Variants in SCFD2 observed in about 807,000 individuals in gnomAD.
SCFD2 encodes sec1 family domain-containing protein 2.
In SCFD2, 54 loss-of-function variants were observed where a neutral mutation model predicts 58.9. The ratio of observed to expected loss-of-function variants is 0.92; its 90% CI spans 0.74 to 1.15. SCFD2 has a LOEUF of 1.15. Ranked by LOEUF, SCFD2 falls within the 50% of genes most tolerant of loss-of-function variation. The pLI is 0.00. For missense variants in SCFD2, 805 were observed against 836.6 expected, an observed-to-expected ratio of 0.96 and a Z score of 0.47; for synonymous variants, 321 against 335.9, an observed-to-expected ratio of 0.96 and a Z score of 0.49.
chr4:53,021,544 G>C (rs1302526942), intron 5 of SCFD2, among the ~76,000 whole-genome samples: 2 of 152,102 alleles, frequency 1.3e-5, no homozygotes, highest in Non-Finnish European at 2.9e-5. Flanking sequence ...TTACTGTCTA[G>C]TGGGAGAGAG....
chr4:52,963,526 T>G (rs1720898236), intron 5 of SCFD2, among the ~76,000 whole-genome samples: 1 of 152,362 alleles, frequency 6.6e-6, no homozygotes, highest in East Asian at 1.9e-4. Flanking sequence ...ATGTTTTGTT[T>G]TTAAATCTAA....
At chr4:52,981,892 C>A (rs901251151) in intron 5 of SCFD2, among the ~76,000 whole-genome samples, 8 of 152,098 alleles carry the variant, frequency 5.3e-5, no homozygotes, top group Non-Finnish European at 1.0e-4. Context: ...GGAGAAAGAC[C>A]AGCTGGAGGT....
At chr4:53,167,376 C>T (rs17082492) in intron 4 of SCFD2, among the ~76,000 whole-genome samples, 12,002 of 152,226 alleles carry the variant, frequency 0.079, 866 homozygotes, top group African/African-American at 0.18. Context: ...GTCCAAAGCA[C>T]GTGACTCATT....
At chr4:53,132,411 C>T (rs1443507740) in intron 5 of SCFD2, among the ~76,000 whole-genome samples, 3 of 152,174 alleles carry the variant, frequency 2.0e-5, no homozygotes, top group African/African-American at 7.2e-5. Context: ...TACCAAACAA[C>T]GTTGCAAACC....
At chr4:53,293,893 C>G (rs187593619) in intron 3 of SCFD2, among the ~76,000 whole-genome samples, 1 of 151,776 alleles carries the variant, frequency 6.6e-6, no homozygotes, top group Non-Finnish European at 1.5e-5. Context: ...CTCCCACCCC[C>G]TGACAGGCCC....
intron 4 of SCFD2, among the ~76,000 whole-genome samples, chr4:53,233,567 G>T (rs766868666): frequency 5.9e-5 from 9 of 152,154 alleles, no homozygotes; most frequent in Non-Finnish European, 1.2e-4. Flanking sequence ...CTAAAGCAAG[G>T]CCAGTTAAAA....
intron 4 of SCFD2, among the ~76,000 whole-genome samples, chr4:53,228,770 G>C (rs1181242457): frequency 6.6e-6 from 1 of 152,150 alleles, no homozygotes; most frequent in Non-Finnish European, 1.5e-5. Context: ...GTTCTGGTCA[G>C]GGCAATCAGG....
Position 53,366,030 on chromosome 4 carries a change from G to C in SCFD2, c.-89C>G. On this transcript the variant is annotated 5_prime_UTR_variant, in exon 1 of 9. Transcript: ENST00000401642. The stretch of plus-strand genomic sequence containing the variant: ...CGGAAATTGGGCTCCGGGAGACTTT[G>C]ACAGTCTCCACAGTACACGTGGTCG... 1 of 1,434,494 alleles carries C rather than the reference G, an allele frequency of 7.0e-7. No individual in the cohort carries two copies. Among genetic ancestry groups the C allele is most frequent in the Non-Finnish European group, 9.3e-7 (1 of 1,074,014 alleles). The allele number at this position is 1,434,494 out of a possible 1,614,324, so 88.9% of individuals were successfully genotyped here.
chr4:53,219,988 G>C (rs1729000602), intron 4 of SCFD2, among the ~76,000 whole-genome samples: 1 of 152,054 alleles, frequency 6.6e-6, no homozygotes, highest in Non-Finnish European at 1.5e-5. Flanking sequence ...TGTAAGCATT[G>C]GGTAGTGGAG....
intron 4 of SCFD2, among the ~76,000 whole-genome samples, chr4:53,247,509 A>G (rs899887557): frequency 3.3e-5 from 5 of 152,186 alleles, no homozygotes; most frequent in Non-Finnish European, 7.3e-5. Flanking sequence ...TCAATGAAAG[A>G]CTGGATAAAG....
At chr4:53,034,292 C>T (rs1722700011) in intron 5 of SCFD2, among the ~76,000 whole-genome samples, 1 of 152,102 alleles carries the variant, frequency 6.6e-6, no homozygotes, top group Non-Finnish European at 1.5e-5. Context: ...GCCAAAAACT[C>T]TCAATAAACT....
chr4:53,006,621 T>A (rs1721975662), intron 5 of SCFD2, among the ~76,000 whole-genome samples: 1 of 152,362 alleles, frequency 6.6e-6, no homozygotes. Flanking sequence ...ACAGGTTTTT[T>A]ATTGAGTATA....
At chr4:52,996,437 A>C (rs949634695) in intron 5 of SCFD2, among the ~76,000 whole-genome samples, 11 of 152,208 alleles carry the variant, frequency 7.2e-5, no homozygotes, top group African/African-American at 2.2e-4. Flanking sequence ...CCCTTTTTAA[A>C]AGCTGTTTTA....
chr4:53,141,150 A>T (rs1418969997), intron 5 of SCFD2, among the ~76,000 whole-genome samples: 2 of 152,252 alleles, frequency 1.3e-5, no homozygotes, highest in East Asian at 3.8e-4. Flanking sequence ...TTGATAAACA[A>T]CATGACAGAA....
chr4:53,327,395 G>A (rs868413538), intron 2 of SCFD2, among the ~76,000 whole-genome samples: 1 of 152,156 alleles, frequency 6.6e-6, no homozygotes, highest in Non-Finnish European at 1.5e-5. Context: ...CCTGGCTCAG[G>A]ATGTCAAAGG....
chr4:53,361,970 T>A (rs1466936649), intron 1 of SCFD2, among the ~76,000 whole-genome samples: 1 of 152,162 alleles, frequency 6.6e-6, no homozygotes, highest in Non-Finnish European at 1.5e-5. Flanking sequence ...ATACCTACTG[T>A]TTTGAAGGTA....
intron 5 of SCFD2, among the ~76,000 whole-genome samples, chr4:53,000,942 C>A (rs1200521000): frequency 6.6e-6 from 1 of 152,188 alleles, no homozygotes; most frequent in Admixed American, 6.5e-5. Flanking sequence ...GACCCCTGCT[C>A]TAGAAGGATC....
chr4:53,078,150 T>C (rs1172482958), intron 5 of SCFD2, among the ~76,000 whole-genome samples: 1 of 152,170 alleles, frequency 6.6e-6, no homozygotes, highest in Non-Finnish European at 1.5e-5. Context: ...AATAGATCAA[T>C]TGCCTTATTA....
intron 4 of SCFD2, among the ~76,000 whole-genome samples, chr4:53,226,043 C>T (rs2149000201): frequency 6.6e-6 from 1 of 152,284 alleles, no homozygotes; most frequent in South Asian, 2.1e-4. Flanking sequence ...CTCAAGAGAT[C>T]ATCCTGCCTT....
Sources: gnomAD v4.1 joint callset for allele counts (sites outside exome capture counted in the v4.1 genomes callset) on GRCh38, gnomAD v4.1.1 for gene constraint, MANE v1.5 for transcripts, NCBI Gene and HGNC (gene_info 2026-07-23, HGNC 2026-07-21) for gene names.